Variants in TTLL11 observed in about 807,000 individuals in gnomAD.
TTLL11 encodes tubulin tyrosine ligase like 11, also known as tubulin polyglutamylase TTLL11.
TTLL11 carries 42 observed loss-of-function variants against 51.7 expected under a neutral mutation model. The observed-to-expected ratio is 0.81, with a 90% CI of 0.64 to 1.05. The LOEUF is 1.05. TTLL11 is among the 50% of genes least tolerant of loss of function. TTLL11 has a pLI of 0.00. For missense variants in TTLL11, 799 were observed against 940.4 expected, an observed-to-expected ratio of 0.85 and a Z score of 1.97; for synonymous variants, 381 against 383.5, an observed-to-expected ratio of 0.99 and a Z score of 0.08.
At chr9:121,855,568 G>A (rs1837787867) in intron 8 of TTLL11, among the ~76,000 whole-genome samples, 1 of 152,172 alleles carries the variant, frequency 6.6e-6, no homozygotes, top group Non-Finnish European at 1.5e-5. Flanking sequence ...CTGGCTGCGG[G>A]AGAGGGGAAG....
chr9:122,065,750 T>C (rs1423346466), intron 1 of TTLL11, among the ~76,000 whole-genome samples: 1 of 152,170 alleles, frequency 6.6e-6, no homozygotes, highest in East Asian at 1.9e-4. Context: ...AGACTTATTC[T>C]GAGGAATAGG....
chr9:122,049,050 T>C (rs994870017), intron 1 of TTLL11, among the ~76,000 whole-genome samples: 5 of 150,984 alleles, frequency 3.3e-5, no homozygotes, highest in Admixed American at 6.6e-5. Context: ...ATCTTCCACA[T>C]GAGCTTAGGA....
At position 122,017,674 on chromosome 9, in the gene TTLL11, G is replaced by A. The variant is rs148583274; in HGVS notation, c.693+14049C>T. ...GAAGGGGTTTCACCATGTTGGCTAG[G>A]CTGGTCTCGAACTCCTGACCTTGTG... On this transcript the variant is annotated intron_variant, in intron 3 of 8. Transcript: ENST00000321582. 3.5e-3 allele frequency among the ~76,000 whole-genome samples: 528 copies of A among 152,212 alleles called. 3 individuals carry two copies. The highest frequency in any genetic ancestry group is 0.012 in the African/African-American group (509 of 41,548).
At chr9:121,987,230 T>TGGGAGGAAGGTTTGAGATA (rs1228586075) in intron 4 of TTLL11, among the ~76,000 whole-genome samples, 1 of 152,138 alleles carries the variant, frequency 6.6e-6, no homozygotes, top group African/African-American at 2.4e-5. Context: ...GATCTTGGGT[T>TGGGAGGAAGGTTTGAGATA]GGGAGGAAGG....
intron 8 of TTLL11, among the ~76,000 whole-genome samples, chr9:121,842,435 A>G (rs1837385563): frequency 6.6e-6 from 1 of 151,818 alleles, no homozygotes; most frequent in Non-Finnish European, 1.5e-5. Context: ...TGTTTTTGTA[A>G]CTTTGTGTAT....
chr9:121,835,064 G>A (rs1487738353), intron 8 of TTLL11, among the ~76,000 whole-genome samples: 1 of 152,114 alleles, frequency 6.6e-6, no homozygotes. Context: ...GCTTTGAACT[G>A]GTCACTTTCC....
At chr9:122,004,917 T>C (rs1843596301) in intron 3 of TTLL11, among the ~76,000 whole-genome samples, 2 of 152,174 alleles carry the variant, frequency 1.3e-5, no homozygotes, top group African/African-American at 4.8e-5. Context: ...ATACTCTCAG[T>C]GCCAAGTACA....
At chr9:122,075,568 G>A (rs1009942408) in intron 1 of TTLL11, among the ~76,000 whole-genome samples, 2 of 152,156 alleles carry the variant, frequency 1.3e-5, no homozygotes, top group Admixed American at 6.5e-5. Context: ...CAAAAAGAAC[G>A]CCTTAGGAGG....
At chr9:121,977,312 A>G (rs1349650312) in intron 4 of TTLL11, among the ~76,000 whole-genome samples, 2 of 152,224 alleles carry the variant, frequency 1.3e-5, no homozygotes, top group Non-Finnish European at 2.9e-5. Flanking sequence ...TAAGGTACTT[A>G]GCCACTCTGA....
chr9:121,886,723 G>A (rs1288216114), intron 6 of TTLL11, among the ~76,000 whole-genome samples: 1 of 152,194 alleles, frequency 6.6e-6, no homozygotes, highest in Non-Finnish European at 1.5e-5. Context: ...ACCCTTGGGG[G>A]TTACTGTGAG....
At chr9:121,974,157 A>C (rs772938732) in intron 5 of TTLL11, 33 bp from the exon 6 acceptor site, 22 of 1,500,090 alleles carry the variant, frequency 1.5e-5, no homozygotes, top group Non-Finnish European at 1.9e-5. Context: ...GTCACAGTGG[A>C]GACCGTGATT....
chr9:122,026,490 G>C (rs547371649), intron 3 of TTLL11, among the ~76,000 whole-genome samples: 2 of 151,656 alleles, frequency 1.3e-5, no homozygotes, highest in South Asian at 4.2e-4. Context: ...AGGGACACGA[G>C]GAAAAATTTC....
At chr9:122,041,376 C>T (rs1214210009) in intron 1 of TTLL11, among the ~76,000 whole-genome samples, 2 of 152,096 alleles carry the variant, frequency 1.3e-5, no homozygotes, top group East Asian at 3.8e-4. Flanking sequence ...AGGAATAAGA[C>T]AAAGATGCCC....
rs552396323 is a variant in TTLL11 at position 121,926,132 on chromosome 9, C to T, written c.1481+47877G>A. On this transcript the variant is annotated intron_variant, in intron 6 of 8. Transcript: ENST00000321582. ...ATCCTGACACACACTTTGAAGTTTG[C>T]CTTCACACGCTTCTGCCAGGAAGGA... 5.9e-5 allele frequency among the ~76,000 whole-genome samples: 9 copies of T among 152,242 alleles called. No individual in the cohort carries two copies. In the South Asian group the frequency reaches 1.9e-3, roughly 32 times the overall value.
intron 6 of TTLL11, among the ~76,000 whole-genome samples, chr9:121,897,120 AG>A (rs1839554329): frequency 1.3e-5 from 2 of 152,208 alleles, no homozygotes; most frequent in Non-Finnish European, 1.5e-5. Flanking sequence ...AAAGATCAAA[AG>A]GGGGACCTTT....
chr9:121,845,389 C>T (rs1056165264), intron 8 of TTLL11, among the ~76,000 whole-genome samples: 1 of 152,098 alleles, frequency 6.6e-6, no homozygotes, highest in Non-Finnish European at 1.5e-5. Context: ...AATAGACTTG[C>T]TTTGTAACAA....
chr9:121,886,340 A>G (rs1839011128), intron 6 of TTLL11, among the ~76,000 whole-genome samples: 1 of 152,172 alleles, frequency 6.6e-6, no homozygotes, highest in Non-Finnish European at 1.5e-5. Context: ...TTGCAGATAT[A>G]ATTAAGGATC....
intron 6 of TTLL11, among the ~76,000 whole-genome samples, chr9:121,955,244 T>A (rs940818700): frequency 2.6e-5 from 4 of 152,198 alleles, no homozygotes; most frequent in African/African-American, 9.7e-5. Context: ...AATTCCCATC[T>A]TAAAAAATAA....
intron 4 of TTLL11, among the ~76,000 whole-genome samples, chr9:121,981,135 GTT>G (rs34449864): frequency 1.4e-4 from 20 of 146,624 alleles, no homozygotes; most frequent in South Asian, 4.3e-4. Flanking sequence ...TTCTTCAAAA[GTT>G]TTTTTTTTTT....
Sources: allele counts gnomAD v4.1 joint callset (sites outside exome capture counted in the v4.1 genomes callset), GRCh38; gene constraint gnomAD v4.1.1; transcripts MANE v1.5; gene names NCBI Gene and HGNC (gene_info 2026-07-23, HGNC 2026-07-21).